The following PHF14 variants were observed in gnomAD, a reference collection of about 807,000 sequenced individuals.
PHF14 encodes the protein PHD finger protein 14.
PHF14 carries 55 observed loss-of-function variants against 117.9 expected under a neutral mutation model. That is an observed-to-expected ratio of 0.47 (90% CI 0.38 to 0.58). The LOEUF (loss-of-function observed/expected upper bound fraction) is 0.58, where lower values mean the gene tolerates loss of function less well. Ranked by LOEUF, PHF14 falls within the 20% of genes least tolerant of loss-of-function variation. The pLI is 0.00. For missense variants in PHF14, 978 were observed against 1,122.2 expected (o/e 0.87, Z 1.84); for synonymous variants, 409 against 368.6 (o/e 1.11, Z -1.26).
chr7:11,047,131 C>T (rs967774386), intron 13 of PHF14, among the ~76,000 whole-genome samples: 1 of 151,430 alleles, frequency 6.6e-6, no homozygotes, highest in African/African-American at 2.4e-5. Context: ...TGCAGTGGCA[C>T]AATCGCAACT....
chr7:11,129,436 C>G (rs1788025683), intron 17 of PHF14, among the ~76,000 whole-genome samples: 1 of 151,806 alleles, frequency 6.6e-6, no homozygotes, highest in African/African-American at 2.4e-5. Context: ...GGAATAGACA[C>G]AGTTTTAAAT....
intron 17 of PHF14, among the ~76,000 whole-genome samples, chr7:11,116,397 A>G (rs1302194343): frequency 6.6e-6 from 1 of 152,068 alleles, no homozygotes; most frequent in Non-Finnish European, 1.5e-5. Context: ...CAGTAGAAAA[A>G]GCCAAGGACT....
chr7:10,989,237 A>G (rs921919134), intron 3 of PHF14, among the ~76,000 whole-genome samples: 2 of 152,218 alleles, frequency 1.3e-5, no homozygotes, highest in African/African-American at 4.8e-5. Context: ...TGGAAGAATT[A>G]TTAATTGTGA....
At chr7:11,013,504 C>G (rs1176524417) in intron 4 of PHF14, among the ~76,000 whole-genome samples, 1 of 152,070 alleles carries the variant, frequency 6.6e-6, no homozygotes, top group Non-Finnish European at 1.5e-5. Context: ...TGTTTTCCCA[C>G]CTTTAATGCT....
intron 17 of PHF14, among the ~76,000 whole-genome samples, chr7:11,148,583 ATTAT>A (rs138886737): frequency 0.086 from 13,052 of 152,140 alleles, 618 homozygotes; most frequent in African/African-American, 0.13. Flanking sequence ...AAAATATGAA[ATTAT>A]TTATCTGTTA....
intron 16 of PHF14, among the ~76,000 whole-genome samples, chr7:11,071,692 G>A (rs551878882): frequency 2.0e-5 from 3 of 152,204 alleles, no homozygotes; most frequent in African/African-American, 4.8e-5. Flanking sequence ...CATTTCCAGC[G>A]TCAGGCAACC....
At chr7:11,073,250 A>T (rs760803539) in intron 16 of PHF14, among the ~76,000 whole-genome samples, 10 of 152,228 alleles carry the variant, frequency 6.6e-5, no homozygotes, top group Non-Finnish European at 1.3e-4. Flanking sequence ...ATGAGCCTGT[A>T]AAATCAAAAA....
chr7:11,045,186 T>G (rs928310266), intron 13 of PHF14, among the ~76,000 whole-genome samples: 1 of 152,194 alleles, frequency 6.6e-6, no homozygotes, highest in African/African-American at 2.4e-5. Flanking sequence ...GGGTCAAGTG[T>G]TAGACATTTA....
chr7:11,032,414 C>G (rs1441133372), intron 7 of PHF14, among the ~76,000 whole-genome samples: 1 of 151,876 alleles, frequency 6.6e-6, no homozygotes, highest in Non-Finnish European at 1.5e-5. Context: ...GTAAGGTTCT[C>G]AATGTACAAG....
intron 16 of PHF14, among the ~76,000 whole-genome samples, chr7:11,066,662 T>G (rs926586478): frequency 6.6e-6 from 1 of 152,228 alleles, no homozygotes; most frequent in Admixed American, 6.5e-5. Flanking sequence ...CCCAGTATCA[T>G]TTGTTGAAAA....
At chr7:10,985,127 G>A (rs996930718) in intron 3 of PHF14, among the ~76,000 whole-genome samples, 11 of 151,810 alleles carry the variant, frequency 7.2e-5, no homozygotes, top group Admixed American at 2.6e-4. Context: ...CTAATCAATT[G>A]TGATTATTAG....
intron 16 of PHF14, among the ~76,000 whole-genome samples, chr7:11,083,258 TTGTC>T (rs944318709): frequency 2.0e-5 from 3 of 152,114 alleles, no homozygotes; most frequent in African/African-American, 7.2e-5. Context: ...GAGAAATCCT[TTGTC>T]TGAGTGTTTG....
In PHF14 at chr7:10,974,044, C is replaced by A. The variant is rs1419515323; in HGVS notation, c.-280C>A. ...ACGGGAGAAATTAACTCCCCGGGGC[C>A]GCCGGGTTGACTGCGCTGCCTGGGC... is the stretch of plus-strand genomic sequence containing the variant. On this transcript the variant is annotated 5_prime_UTR_variant, in exon 1 of 18. Transcript: ENST00000634607. 2.4e-6 allele frequency: 1 copy of A among 414,932 alleles called. No homozygotes were observed. Among genetic ancestry groups the A allele is most frequent in the African/African-American group, 2.1e-5 (1 of 48,730 alleles). The allele number at this position is 414,932 out of a possible 1,614,324, so 25.7% of individuals were successfully genotyped here. A position where few individuals can be genotyped will look rare whatever the true frequency, so the allele number is the denominator to read the frequency against.
intron 16 of PHF14, chr7:11,071,408 T>C (rs1183890099): frequency 5.5e-6 from 2 of 363,618 alleles, no homozygotes; most frequent in African/African-American, 2.1e-5. Flanking sequence ...GGAAGCCAGT[T>C]TTCCAGTTGC....
At chr7:11,021,467 C>T (rs1783733387) in intron 5 of PHF14, among the ~76,000 whole-genome samples, 1 of 152,126 alleles carries the variant, frequency 6.6e-6, no homozygotes, top group Non-Finnish European at 1.5e-5. Context: ...TTGGTATCCT[C>T]ACATGAGTGG....
intron 17 of PHF14, among the ~76,000 whole-genome samples, chr7:11,120,181 C>T (rs900028324): frequency 6.6e-6 from 1 of 151,822 alleles, no homozygotes; most frequent in Non-Finnish European, 1.5e-5. Context: ...AAGTGTTTTT[C>T]TGAGCTTTGA....
At position 11,036,870 on chromosome 7, in the gene PHF14, A is replaced by G. The variant is rs1668261566; in HGVS notation, c.1874-115A>G. ...GCTAGGTTCATTTATTTGTAAATAT[A>G]CTTAAAAGTTTTAAACTATGTAGGT... On this transcript the variant is annotated intron_variant, in intron 9 of 17. Transcript: ENST00000634607. The G allele has an allele frequency of 4.2e-6, 4 of 943,036 alleles. No individual in the cohort carries two copies. The East Asian group carries it at 1.1e-4, about 25-fold the overall frequency. The allele number at this position is 943,036 out of a possible 1,614,324, so 58.4% of individuals were successfully genotyped here.
chr7:11,023,910 C>T (rs1214509059), intron 6 of PHF14, among the ~76,000 whole-genome samples: 1 of 152,194 alleles, frequency 6.6e-6, no homozygotes, highest in Non-Finnish European at 1.5e-5. Flanking sequence ...AGTCATACAT[C>T]TGTCACTTTA....
rs183075117 is a variant in PHF14 at position 11,090,960 on chromosome 7, A to G, written c.2655-20390A>G. 9.8e-5 allele frequency among the ~76,000 whole-genome samples: 15 copies of G among 152,312 alleles called. No homozygotes were observed. The East Asian group carries it at 2.5e-3, about 25-fold the overall frequency. ...ACAAATAAAGACAAAGTGGGACCAT[A>G]TGAGTCATGTGTGATGTAGGTTTAA... is the stretch of plus-strand genomic sequence containing the variant. On this transcript the variant is annotated intron_variant, in intron 16 of 17. Coordinates refer to ENST00000634607, the MANE Select transcript of PHF14 (RefSeq NM_001007157.2).
Sources: gnomAD v4.1 joint callset for allele counts (sites outside exome capture counted in the v4.1 genomes callset) on GRCh38, gnomAD v4.1.1 for gene constraint, MANE v1.5 for transcripts, NCBI Gene and HGNC (gene_info 2026-07-23, HGNC 2026-07-21) for gene names.